Variants in MYO9B observed in about 807,000 individuals in gnomAD.
MYO9B encodes the protein myosin IXB.
MYO9B carries 71 observed loss-of-function variants against 229.5 expected under a neutral mutation model. That is an observed-to-expected ratio of 0.31 (90% CI 0.26 to 0.38). The LOEUF is 0.38. MYO9B is among the 10% of genes least tolerant of loss of function. MYO9B has a pLI of 1.00. For synonymous variants in MYO9B, 1,185 were observed against 1,235.8 expected (o/e 0.96, Z 0.86); for missense variants, 2,255 against 2,920.5 (o/e 0.77, Z 5.25).
chr19:17,181,009 A>G lies in MYO9B; in HGVS notation c.2302A>G (p.Ser768Gly). The change falls in exon 15 of 40, where the codon AGT becomes GGT. Residue 768 changes from serine to glycine, a missense_variant. Ser to Gly is a moderately conservative substitution (Grantham distance 56). Around this residue, in one of 7 missense-constraint regions of MYO9B, gnomAD observed 155 missense variants for 159.1 expected, o/e 0.97. Coordinates refer to ENST00000682292, the MANE Select transcript of MYO9B (RefSeq NM_004145.4). ...EDPRSLLQSL[S>G]RLQKPRAFIL... ...CCCCCGTAGCCTTCTCCAGTCCCTC[A>G]GTCGGCTCCAGAAACCCCGCGCCTT... is the stretch of plus-strand genomic sequence containing the variant. 6.2e-7 allele frequency: 1 copy of G among 1,610,710 alleles called. No homozygotes were observed.
intron 1 of MYO9B, among the ~76,000 whole-genome samples, chr19:17,096,692 T>G: frequency 8.8e-6 from 1 of 113,946 alleles, no homozygotes. Context: ...TTGTTGTTGT[T>G]GTTGTTGTTG....
At chr19:17,081,855 G>T (rs973037731) in intron 1 of MYO9B, among the ~76,000 whole-genome samples, 12 of 151,858 alleles carry the variant, frequency 7.9e-5, no homozygotes, top group African/African-American at 2.9e-4. Flanking sequence ...GCCCAGGGCG[G>T]AGTGGGTCCC....
chr19:17,185,204 C>T (rs3947947), intron 17 of MYO9B, among the ~76,000 whole-genome samples: 60,602 of 151,654 alleles, frequency 0.4, 12,948 homozygotes, highest in East Asian at 0.74. Context: ...TGAAACCCCA[C>T]CTCTACTAAA....
intron 2 of MYO9B, among the ~76,000 whole-genome samples, chr19:17,112,753 C>T (rs1033819844): frequency 6.6e-6 from 1 of 152,244 alleles, no homozygotes; most frequent in African/African-American, 2.4e-5. Context: ...GCTCATCAGG[C>T]CTCAGAGGCC....
In MYO9B at chr19:17,105,968, C is replaced by T. The variant is rs559600445; in HGVS notation, c.840+3411C>T. Among the ~76,000 whole-genome samples the T allele has an allele frequency of 4.0e-5, 6 of 151,418 alleles. No individual in the cohort carries two copies. In the South Asian group the frequency reaches 1.1e-3, roughly 27 times the overall value. On this transcript the variant is annotated intron_variant, in intron 2 of 39. Transcript: ENST00000682292. ...TCCATTTTCTTTCCTTTCCCATCCCCTCCCCTCCCCTCCTCTCCCCTCCCC... is the reference window on the plus strand; with the variant it reads ...TCCATTTTCTTTCCTTTCCCATCCCTTCCCCTCCCCTCCTCTCCCCTCCCC...
rs1389625926 is a variant in MYO9B at position 17,132,769 on chromosome 19, C to A, written c.841-12628C>A. On this transcript the variant is annotated intron_variant, in intron 2 of 39. Coordinates refer to ENST00000682292, the MANE Select transcript of MYO9B (RefSeq NM_004145.4). ...TCTTGAACTCCTGACCTCAAGTGAT[C>A]CACCCACCTTGGCTTCCGAAGTGGT... is the stretch of plus-strand genomic sequence containing the variant. 7.9e-5 allele frequency among the ~76,000 whole-genome samples: 12 copies of A among 150,958 alleles called. No homozygotes were observed. In the Admixed American group the frequency reaches 8.0e-4, roughly 10 times the overall value.
chr19:17,177,861 A>T (rs2072808363), intron 14 of MYO9B: 1 of 152,662 alleles, frequency 6.6e-6, no homozygotes, highest in African/African-American at 2.4e-5. Flanking sequence ...TTTTGAGGAC[A>T]TCATTGCTTT....
intron 35 of MYO9B, among the ~76,000 whole-genome samples, chr19:17,208,525 G>A (rs998981515): frequency 5.3e-5 from 8 of 151,112 alleles, no homozygotes; most frequent in African/African-American, 1.9e-4. Flanking sequence ...TCCGCCTCCC[G>A]GGTTCACGCC....
chr19:17,140,797 T>C (rs1217264922), intron 2 of MYO9B, among the ~76,000 whole-genome samples: 1 of 147,174 alleles, frequency 6.8e-6, no homozygotes, highest in Non-Finnish European at 1.5e-5. Flanking sequence ...CAGGGTTAGA[T>C]TTCAACATAT....
chr19:17,146,804 T>C (rs1174332537), intron 3 of MYO9B, among the ~76,000 whole-genome samples: 1 of 152,202 alleles, frequency 6.6e-6, no homozygotes, highest in Non-Finnish European at 1.5e-5. Flanking sequence ...GTCCAAGGCC[T>C]GGATACTCAC....
chr19:17,199,198 G>A (rs1157790229), intron 24 of MYO9B, among the ~76,000 whole-genome samples: 2 of 139,654 alleles, frequency 1.4e-5, no homozygotes, highest in African/African-American at 2.7e-5. Flanking sequence ...ATGACACTCT[G>A]TCTCAAAAAA....
At position 17,202,254 on chromosome 19, in the gene MYO9B, T is replaced by TA; in HGVS notation, c.4788dup (p.Asp1597ArgfsTer2). The stretch of plus-strand genomic sequence containing the variant: ...GTCCTCAACCTCTTCCAGTCACTGC[T>TA]AGATGAGTTCACCCGTGGCTACACC... On this transcript the variant is annotated frameshift_variant, in exon 28 of 40. Transcript: ENST00000682292. LOFTEE classifies it high-confidence loss of function. 6.3e-7 allele frequency: 1 copy of TA among 1,599,372 alleles called. No individual in the cohort carries two copies. The highest frequency in any genetic ancestry group is 8.5e-7 in the Non-Finnish European group (1 of 1,174,094).
intron 1 of MYO9B, among the ~76,000 whole-genome samples, chr19:17,076,366 C>T (rs1456145666): frequency 6.6e-6 from 1 of 151,774 alleles, no homozygotes; most frequent in Non-Finnish European, 1.5e-5. Flanking sequence ...CCAGTGGGCG[C>T]TCAGTAAATG....
chr19:17,210,977 CTTTTTTTTTTTTT>C, intron 38 of MYO9B, 129 bp downstream of exon 38: 2 of 333,574 alleles, frequency 6.0e-6, no homozygotes, highest in South Asian at 5.8e-5. Flanking sequence ...GCAAACAACA[CTTTTTTTTTTTTT>C]TTTTTTTTTT....
At chr19:17,135,953 A>T (rs1032384310) in intron 2 of MYO9B, among the ~76,000 whole-genome samples, 1 of 151,930 alleles carries the variant, frequency 6.6e-6, no homozygotes, top group Non-Finnish European at 1.5e-5. Flanking sequence ...TACTACGGGG[A>T]CCCTGACTCA....
chr19:17,152,658 A>C lies in MYO9B; in HGVS notation c.950A>C (p.Lys317Thr). 1 of 1,613,430 alleles carries C rather than the reference A, an allele frequency of 6.2e-7. No homozygotes were observed. Among genetic ancestry groups the C allele is most frequent in the Non-Finnish European group, 8.5e-7 (1 of 1,179,628 alleles). The change falls in exon 4 of 40, where the codon AAA becomes ACA. Residue 317 changes from lysine (K) to threonine (T), a missense_variant. Lys to Thr is a moderately conservative substitution (Grantham distance 78, BLOSUM62 -1). Transcript: ENST00000682292. ...SGIVRGAVVE[K>T]YLLEKSRLVS... ...CTTAATGACAGAGCTGTCGTCGAGA[A>C]ATATCTGCTTGAAAAGTCTCGCCTG...
chr19:17,112,571 T>C (rs984070298), intron 2 of MYO9B, among the ~76,000 whole-genome samples: 7 of 152,062 alleles, frequency 4.6e-5, no homozygotes, highest in African/African-American at 1.4e-4. Flanking sequence ...GGCTGATAGC[T>C]GAGGACGGAC....
At chr19:17,177,070 G>A (rs755021683) in intron 14 of MYO9B, among the ~76,000 whole-genome samples, 12 of 151,992 alleles carry the variant, frequency 7.9e-5, no homozygotes, top group Non-Finnish European at 1.6e-4. Context: ...GCGTGGTGGC[G>A]AGTACCTGTA....
At chr19:17,201,848 G>A in intron 26 of MYO9B, 78 bp from the exon 27 acceptor site, 1 of 1,026,836 alleles carries the variant, frequency 9.7e-7, no homozygotes. Flanking sequence ...GAGGATAGAA[G>A]TGACCCCTTG....
Sources: gnomAD v4.1 joint callset for allele counts (sites outside exome capture counted in the v4.1 genomes callset) on GRCh38, gnomAD v4.1.1 for gene constraint, gnomAD v4.1.1 regional missense constraint, MANE v1.5 for transcripts, NCBI Gene and HGNC (gene_info 2026-07-23, HGNC 2026-07-21) for gene names.